RPS6KL1: variants seen among roughly 807,000 people sequenced by gnomAD.
RPS6KL1 encodes ribosomal protein S6 kinase-like 1.
Under a neutral mutation model 57.0 loss-of-function variants are expected in RPS6KL1, and 41 were observed. That is an observed-to-expected ratio of 0.72 (90% confidence interval 0.56 to 0.93). RPS6KL1 has a LOEUF of 0.93. Among genes scored for constraint, RPS6KL1 ranks in the 40% least tolerant of loss-of-function variants. The probability of loss-of-function intolerance (pLI) is 0.00; values close to 1 mark genes in which losing one functional copy is unlikely to be tolerated. For missense variants in RPS6KL1, 697 were observed against 727.7 expected (o/e 0.96, Z 0.49); for synonymous variants, 287 against 309.7 (o/e 0.93, Z 0.77).
chr14:74,911,743 T>G, intron 6 of RPS6KL1, 51 bp downstream of exon 6: 31 of 1,511,536 alleles, frequency 2.1e-5, no homozygotes, highest in Non-Finnish European at 2.5e-5. Context: ...CCAAGAGCCC[T>G]GAGAAAGATC....
rs1884786211 is a variant in RPS6KL1 at position 74,906,246 on chromosome 14, C to G, written c.*768G>C. The G allele has an allele frequency of 3.3e-6, 1 of 303,106 alleles. No individual in the cohort carries two copies. Among genetic ancestry groups the G allele is most frequent in the East Asian group, 8.2e-5 (1 of 12,228 alleles). 18.8% of individuals were successfully genotyped at this position (303,106 alleles called of 1,614,324 possible). On this transcript the variant is annotated 3_prime_UTR_variant, in exon 12 of 12. Coordinates refer to ENST00000557413, the MANE Select transcript of RPS6KL1 (RefSeq NM_031464.5). The stretch of plus-strand genomic sequence containing the variant: ...GGCAGGCTGCCCCTCTTCCCCCACA[C>G]AGGCCCACTGGGGAGGAGGACTCTT...
chr14:74,921,777 C>CTTTTTTTTTTTT (rs57626529), intron 2 of RPS6KL1: 2 of 836,408 alleles, frequency 2.4e-6, no homozygotes, highest in African/African-American at 2.0e-5. Flanking sequence ...GTTTTCTTTT[C>CTTTTTTTTTTTT]TTTTTTTTTT....
At chr14:74,911,656 G>T in intron 6 of RPS6KL1, 138 bp downstream of exon 6, 1 of 809,784 alleles carries the variant, frequency 1.2e-6, no homozygotes, top group Non-Finnish European at 2.0e-6. Flanking sequence ...TCTGGAAAGT[G>T]GGGCATGTTC....
Position 74,908,859 on chromosome 14 carries a change from C to A in RPS6KL1, c.1434G>T (p.Leu478=). 1.2e-6 allele frequency: 2 copies of A among 1,614,156 alleles called. No homozygotes were observed. The highest frequency in any genetic ancestry group is 1.7e-6 in the Non-Finnish European group (2 of 1,180,000). ...CAGCCCAGCCACTCACCATTCCCGT[C>A]AGCAGTTCATACAGTAGAGACCCAA... ...WSFGSLLYEL[L]TGMALSQSHP... The change falls in exon 10 of 12, where the codon CTG becomes CTT. Residue 478 remains leucine, a synonymous_variant. Transcript: ENST00000557413.
At chr14:74,919,250 A>G (rs1402228305) in intron 4 of RPS6KL1, among the ~76,000 whole-genome samples, 1 of 152,226 alleles carries the variant, frequency 6.6e-6, no homozygotes, top group Non-Finnish European at 1.5e-5. Context: ...ACGTGCCTTG[A>G]AGACCAAGCA....
chr14:74,912,185 C>T (rs1029798826), intron 5 of RPS6KL1, among the ~76,000 whole-genome samples: 10 of 152,136 alleles, frequency 6.6e-5, no homozygotes, highest in Non-Finnish European at 1.2e-4. Flanking sequence ...CTCAGTATTC[C>T]CGGAGCCCTG....
In RPS6KL1 at chr14:74,913,409, T is replaced by C. The variant is rs189327530; in HGVS notation, c.484-1568A>G. On this transcript the variant is annotated intron_variant, in intron 5 of 11. Transcript: ENST00000557413. ...TCGTCTCTACTAAAAATACAAAAAT[T>C]AGCTGGGCATAGTGGTGCCCGCCTG... is the stretch of plus-strand genomic sequence containing the variant. 4.3e-3 allele frequency among the ~76,000 whole-genome samples: 652 copies of C among 152,126 alleles called. 2 individuals are homozygous for C. Among genetic ancestry groups the C allele is most frequent in the Non-Finnish European group, 5.9e-3 (402 of 67,986 alleles).
rs1884902064 is a variant in RPS6KL1, at chr14:74,906,579, G to A, written c.*435C>T. 1.9e-6 allele frequency: 1 copy of A among 529,948 alleles called. No individual in the cohort carries two copies. The highest frequency in any genetic ancestry group is 3.9e-6 in the Non-Finnish European group (1 of 258,586). 32.8% of individuals were successfully genotyped at this position (529,948 alleles called of 1,614,324 possible). On this transcript the variant is annotated 3_prime_UTR_variant, in exon 12 of 12. Transcript: ENST00000557413. ...CAGGACAGTCTGGTTTGGGTCCACT[G>A]AGCCAGTGGATCAGTGTCCTGAGAT...
chr14:74,921,238 T>TGGCCCCCCCCCCC, intron 3 of RPS6KL1, 39 bp downstream of exon 3: 3 of 840,180 alleles, frequency 3.6e-6, no homozygotes, highest in Non-Finnish European at 6.1e-6. Flanking sequence ...CACTGGCCCT[T>TGGCCCCCCCCCCC]CCCCACCCAC....
Position 74,922,071 on chromosome 14 carries a change from G to T in RPS6KL1, c.-114C>A. Reference sequence around the variant, plus strand: ...TGGGATTATAGACGTGAGCCACCGCGCAGGCCTGGGGCTCTGTTTTCCTTT... The same window carrying T: ...TGGGATTATAGACGTGAGCCACCGCTCAGGCCTGGGGCTCTGTTTTCCTTT... On this transcript the variant is annotated 5_prime_UTR_variant, in exon 2 of 12. Transcript: ENST00000557413. 1.8e-6 allele frequency: 1 copy of T among 544,662 alleles called. No individual in the cohort carries two copies. Among genetic ancestry groups the T allele is most frequent in the Non-Finnish European group, 2.4e-6 (1 of 421,422 alleles). 33.7% of individuals were successfully genotyped at this position (544,662 alleles called of 1,614,324 possible).
intron 5 of RPS6KL1, among the ~76,000 whole-genome samples, chr14:74,912,640 G>A (rs141667032): frequency 0.011 from 1,742 of 152,224 alleles, 11 homozygotes; most frequent in African/African-American, 0.014. Flanking sequence ...GGCACGCTGC[G>A]TTCAGGCCTT....
intron 5 of RPS6KL1, among the ~76,000 whole-genome samples, chr14:74,913,088 G>T (rs184545579): frequency 1.1e-4 from 16 of 152,270 alleles, no homozygotes; most frequent in African/African-American, 3.9e-4. Flanking sequence ...GGTGGGAACT[G>T]GGCCCTGAGG....
chr14:74,917,419 C>T (rs1180896512), intron 5 of RPS6KL1, among the ~76,000 whole-genome samples: 1 of 152,130 alleles, frequency 6.6e-6, no homozygotes, highest in Non-Finnish European at 1.5e-5. Context: ...GGACTGTCTC[C>T]TTTTCTCTGT....
At chr14:74,917,345 G>T (rs576114307) in intron 5 of RPS6KL1, among the ~76,000 whole-genome samples, 2 of 152,246 alleles carry the variant, frequency 1.3e-5, no homozygotes, top group African/African-American at 2.4e-5. Context: ...GGCCACCCGG[G>T]GTGGTGCCCA....
chr14:74,909,591 C>G lies in RPS6KL1; in HGVS notation c.1222G>C (p.Val408Leu), dbSNP rs1323898336. Residue 408 changes from valine to leucine, a missense_variant, in exon 8 of 12, where the codon GTG becomes CTG. Val to Leu is a conservative substitution (Grantham distance 32). Transcript: ENST00000557413. The stretch of plus-strand genomic sequence containing the variant: ...CCGGGGTGGAGGTCCCGGCACAGCA[C>G]CCCCTGCTCGTGCAGCGCCTCCAGC... ...VALEALHEQG[V>L]LCRDLHPGNL... is the part of the protein sequence containing the mutation. 1.2e-6 allele frequency: 2 copies of G among 1,612,198 alleles called. No homozygotes were observed. The highest frequency in any genetic ancestry group is 2.2e-5 in the East Asian group (1 of 44,896).
In RPS6KL1 at chr14:74,921,465, G is replaced by A. The variant is rs1441279020; in HGVS notation, c.77C>T (p.Ala26Val). Reference protein sequence around the residue: ...PEPCSRARSQAHVYLEQIRNR... With the variant: ...PEPCSRARSQVHVYLEQIRNR... ...GCGAATCTGCTCCAGGTACACGTGA[G>A]CTTGGGACCGTGCTCGTGAGCAAGG... The change falls in exon 3 of 12, where the codon GCT becomes GTT. Residue 26 changes from alanine to valine, a missense_variant. Transcript: ENST00000557413. 2 of 1,614,038 alleles carry A rather than the reference G, an allele frequency of 1.2e-6. No individual in the cohort carries two copies. Among genetic ancestry groups the A allele is most frequent in the Non-Finnish European group, 1.7e-6 (2 of 1,180,024 alleles).
At position 74,919,848 on chromosome 14, in the gene RPS6KL1, G is replaced by A. The variant is rs781433693; in HGVS notation, c.387C>T (p.Ser129=). Residue 129 remains serine, a synonymous_variant, in exon 4 of 12, where the codon AGC becomes AGT. Coordinates refer to ENST00000557413, the MANE Select transcript of RPS6KL1 (RefSeq NM_031464.5). ...QRPLSSGASP[S]AGFSSLRLRP... is the part of the protein sequence containing the mutation. ...TGGGTGGGGGGGGTCTCCTCACCGC[G>A]CTGGGGCTGGCTCCACTGCTCAGCG... 1.2e-5 allele frequency: 19 copies of A among 1,612,430 alleles called. No homozygotes were observed. Among genetic ancestry groups the A allele is most frequent in the South Asian group, 7.7e-5 (7 of 91,014 alleles).
rs774509049 is a variant in RPS6KL1, at chr14:74,909,607, C to T, written c.1206G>A (p.Ala402=). ...GGCACAGCACCCCCTGCTCGTGCAG[C>T]GCCTCCAGCGCTACCAGCATCTCTG... ...WAAEMLVALE[A]LHEQGVLCRD... The change falls in exon 8 of 12, where the codon GCG becomes GCA. Residue 402 remains alanine, a synonymous_variant. Transcript: ENST00000557413. 1.2e-5 allele frequency: 19 copies of T among 1,612,368 alleles called. No individual in the cohort carries two copies. The South Asian group carries it at 1.2e-4, about 10-fold the overall frequency.
chr14:74,909,522 A>G, intron 8 of RPS6KL1, 21 bp downstream of exon 8: 3 of 1,566,850 alleles, frequency 1.9e-6, no homozygotes, highest in Non-Finnish European at 2.6e-6. Flanking sequence ...CACCCCACTG[A>G]GGGGTGAGGA....
Sources: allele counts gnomAD v4.1 joint callset (sites outside exome capture counted in the v4.1 genomes callset), GRCh38; gene constraint gnomAD v4.1.1; transcripts MANE v1.5; gene names NCBI Gene and HGNC (gene_info 2026-07-23, HGNC 2026-07-21).